The following MAPK6 variants were observed in gnomAD, a reference collection of about 807,000 sequenced individuals.
The protein encoded by MAPK6 is ERK-3.
MAPK6 carries 19 observed loss-of-function variants against 59.3 expected under a neutral mutation model. The observed-to-expected ratio is 0.32, with a 90% CI of 0.22 to 0.47. The LOEUF (loss-of-function observed/expected upper bound fraction) is 0.47. MAPK6 is among the 20% of genes least tolerant of loss of function. MAPK6 has a pLI of 1.00. For synonymous variants in MAPK6, 316 were observed against 290.3 expected, an observed-to-expected ratio of 1.09 and a Z score of -0.90; for missense variants, 724 against 847.9, an observed-to-expected ratio of 0.85 and a Z score of 1.81.
intron 2 of MAPK6, among the ~76,000 whole-genome samples, chr15:51,985,379 G>A (rs576870744): frequency 6.6e-6 from 1 of 152,016 alleles, no homozygotes; most frequent in East Asian, 1.9e-4. Flanking sequence ...TCATGGTCAG[G>A]CACGGTGGCT....
chr15:51,999,420 G>T (rs967191697), intron 2 of MAPK6, among the ~76,000 whole-genome samples: 1 of 152,030 alleles, frequency 6.6e-6, no homozygotes, highest in Admixed American at 6.6e-5. Context: ...TTTTCCATTT[G>T]TATATCTTCT....
chr15:52,022,617 T>G (rs1313010817), intron 1 of MAPK6, among the ~76,000 whole-genome samples: 1 of 152,122 alleles, frequency 6.6e-6, no homozygotes, highest in Non-Finnish European at 1.5e-5. Flanking sequence ...GGAAGAGTAT[T>G]GCATGATTTA....
chr15:51,985,974 AC>A (rs1392931195), intron 2 of MAPK6, among the ~76,000 whole-genome samples: 3 of 151,804 alleles, frequency 2.0e-5, no homozygotes, highest in South Asian at 2.1e-4. Flanking sequence ...AAAACAAAAA[AC>A]AACGACAAAA....
upstream of MAPK6, among the ~76,000 whole-genome samples, chr15:52,016,104 ACAC>A (rs2030256268): frequency 1.4e-5 from 2 of 138,900 alleles, no homozygotes; most frequent in African/African-American, 5.3e-5. Context: ...ACACACACAC[ACAC>A]AAACTAAAAC....
chr15:52,067,145 A>G lies in MAPK6; in HGVS notation c.*2145A>G, dbSNP rs2032444773. ...GAGACCTAGGATTTTTCTTACTGGG[A>G]AACTTGGCTCCTGGACTTAATCCAC... On this transcript the variant is annotated 3_prime_UTR_variant, in exon 6 of 6. Coordinates refer to ENST00000261845, the MANE Select transcript of MAPK6 (RefSeq NM_002748.4). The G allele has an allele frequency of 6.6e-6, 1 of 152,172 alleles. No individual in the cohort carries two copies. The highest frequency in any genetic ancestry group is 6.5e-5 in the Admixed American group (1 of 15,278). 9.4% of individuals were successfully genotyped at this position (152,172 alleles called of 1,614,324 possible).
intron 2 of MAPK6, among the ~76,000 whole-genome samples, chr15:52,002,245 C>T (rs2057244121): frequency 6.6e-6 from 1 of 152,174 alleles, no homozygotes; most frequent in Non-Finnish European, 1.5e-5. Flanking sequence ...TGAGCTAATA[C>T]ATTCTCTTCC....
At chr15:52,024,386 T>C (rs905996247) in intron 1 of MAPK6, among the ~76,000 whole-genome samples, 3 of 151,714 alleles carry the variant, frequency 2.0e-5, no homozygotes, top group African/African-American at 7.3e-5. Flanking sequence ...AATCTTAGAA[T>C]CTACTTTTTC....
At chr15:52,029,831 T>TGAAATA (rs1462290709) in intron 1 of MAPK6, among the ~76,000 whole-genome samples, 1 of 152,234 alleles carries the variant, frequency 6.6e-6, no homozygotes, top group Non-Finnish European at 1.5e-5. Flanking sequence ...CCTGGCTTAC[T>TGAAATA]GAAATAGCTC....
intron 1 of MAPK6, among the ~76,000 whole-genome samples, chr15:52,035,823 G>A (rs767413716): frequency 2.0e-5 from 3 of 152,088 alleles, no homozygotes; most frequent in Admixed American, 6.5e-5. Flanking sequence ...AATGAGAATA[G>A]CCATGGTCTC....
At position 52,065,131 on chromosome 15, in the gene MAPK6, T is replaced by C; in HGVS notation, c.*131T>C. ...AGTAAGGATTTTATGAGTTCTTGTT[T>C]TTTAAAATCCAGACTTTCTTTTTCT... On this transcript the variant is annotated 3_prime_UTR_variant, in exon 6 of 6. Coordinates refer to ENST00000261845, the MANE Select transcript of MAPK6 (RefSeq NM_002748.4). 2 of 826,180 alleles carry C rather than the reference T, an allele frequency of 2.4e-6. No homozygotes were observed. Among genetic ancestry groups the C allele is most frequent in the Non-Finnish European group, 1.7e-6 (1 of 572,308 alleles). 51.2% of individuals were successfully genotyped at this position (826,180 alleles called of 1,614,324 possible).
rs2032196186 is a variant in MAPK6 at position 52,061,495 on chromosome 15, G to C, written c.1062G>C (p.Trp354Cys). 1 of 1,607,808 alleles carries C rather than the reference G, an allele frequency of 6.2e-7. No homozygotes were observed. Among genetic ancestry groups the C allele is most frequent in the Non-Finnish European group, 8.5e-7 (1 of 1,174,570 alleles). Reference sequence around the variant, plus strand: ...AAACTCACAGTCACATTTATAACTGGGAAAGGTAAATTGATCCTAAATTAG... The same window carrying C: ...AAACTCACAGTCACATTTATAACTGCGAAAGGTAAATTGATCCTAAATTAG... ...MDETHSHIYN[W>C]ERYHDCQFSE... Residue 354 changes from tryptophan to cysteine, a missense_variant, in exon 5 of 6, where the codon TGG (tryptophan) becomes TGC (cysteine). Physicochemically the swap from Trp to Cys is radical, Grantham distance 215. This residue lies in a region of MAPK6 where 502 missense variants were observed against 507.6 expected (regional missense o/e 0.99). Transcript: ENST00000261845.
chr15:52,016,556 T>C (rs1180775239), upstream of MAPK6, among the ~76,000 whole-genome samples: 3 of 152,144 alleles, frequency 2.0e-5, no homozygotes, highest in Admixed American at 6.5e-5. Context: ...CTAAAATCCA[T>C]TTATCTCATT....
intron 1 of MAPK6, among the ~76,000 whole-genome samples, chr15:52,033,112 T>C (rs1163669255): frequency 6.6e-6 from 1 of 152,248 alleles, no homozygotes; most frequent in East Asian, 1.9e-4. Flanking sequence ...ACCTGGCATC[T>C]TTCTACTTTT....
intron 3 of MAPK6, among the ~76,000 whole-genome samples, chr15:52,054,488 A>G (rs1596005540): frequency 6.6e-6 from 1 of 152,162 alleles, no homozygotes; most frequent in Admixed American, 6.5e-5. Context: ...TGACACTTTC[A>G]TAAAGAATCA....
chr15:52,040,113 C>T (rs368628174), intron 1 of MAPK6, among the ~76,000 whole-genome samples: 9 of 152,208 alleles, frequency 5.9e-5, no homozygotes, highest in African/African-American at 1.9e-4. Flanking sequence ...TAAGCTGTAG[C>T]ACTTGGCCTT....
intron 1 of MAPK6, among the ~76,000 whole-genome samples, chr15:52,032,689 T>A (rs1304554217): frequency 1.3e-5 from 2 of 152,068 alleles, no homozygotes; most frequent in Non-Finnish European, 1.5e-5. Context: ...ACTTTTTTTC[T>A]TTTTTTGTTT....
At chr15:51,974,533 C>T (rs2057151579) in intron 1 of MAPK6, among the ~76,000 whole-genome samples, 1 of 149,984 alleles carries the variant, frequency 6.7e-6, no homozygotes, top group Non-Finnish European at 1.5e-5. Context: ...GTGACGGGCA[C>T]CTGTAGTCCC....
chr15:52,025,206 G>A (rs555722461), intron 1 of MAPK6, among the ~76,000 whole-genome samples: 1 of 152,170 alleles, frequency 6.6e-6, no homozygotes, highest in Non-Finnish European at 1.5e-5. Flanking sequence ...GCACCGCAGC[G>A]TTCCAGCCTG....
At chr15:52,040,671 C>G (rs11070875) in intron 1 of MAPK6, among the ~76,000 whole-genome samples, 112,639 of 152,076 alleles carry the variant, frequency 0.74, 44,457 homozygotes, top group Non-Finnish European at 0.89. Flanking sequence ...AGGCTTGACT[C>G]CCAGTACCAG....
Sources: allele counts gnomAD v4.1 joint callset (sites outside exome capture counted in the v4.1 genomes callset), GRCh38; gene constraint gnomAD v4.1.1; regional missense constraint gnomAD v4.1.1; transcripts MANE v1.5; gene names NCBI Gene and HGNC (gene_info 2026-07-23, HGNC 2026-07-21).